The following ABTB3 variants were observed in gnomAD, a reference collection of about 807,000 sequenced individuals.
The protein encoded by ABTB3 is ankyrin repeat- and BTB/POZ domain-containing protein 3.
chr12:107,366,046 C>T, the ABTB3 span, among the ~76,000 whole-genome samples: 2 of 152,220 alleles, frequency 1.3e-5, no homozygotes, highest in Admixed American at 6.5e-5. Flanking sequence ...GCCATGAGCA[C>T]CTTTCAGGCC....
chr12:107,481,887 C>CTCTCTT, the ABTB3 span, among the ~76,000 whole-genome samples: 1 of 101,988 alleles, frequency 9.8e-6, no homozygotes, highest in South Asian at 3.2e-4. Flanking sequence ...TCAAGAGTCT[C>CTCTCTT]TCTCTCTCTC....
At chr12:107,475,966 T>C in the ABTB3 span, among the ~76,000 whole-genome samples, 1 of 152,170 alleles carries the variant, frequency 6.6e-6, no homozygotes, top group African/African-American at 2.4e-5. Flanking sequence ...GCCCATGTGT[T>C]GCATCTGAGA....
chr12:107,580,471 CAG>C, the ABTB3 span, among the ~76,000 whole-genome samples: 1 of 152,190 alleles, frequency 6.6e-6, no homozygotes, highest in East Asian at 1.9e-4. Flanking sequence ...TTGAGGCTCT[CAG>C]AGTTTCAGGG....
chr12:107,635,401 C>G, the ABTB3 span: 1 of 1,609,604 alleles, frequency 6.2e-7, no homozygotes, highest in Non-Finnish European at 8.5e-7. Flanking sequence ...GTGAGTGGTT[C>G]CCCCAGGCCT....
At chr12:107,320,627 G>A in the ABTB3 span, 1 of 456,136 alleles carries the variant, frequency 2.2e-6, no homozygotes, top group South Asian at 1.5e-5. Flanking sequence ...GGCCTAGACA[G>A]TCGTAAAGGT....
the ABTB3 span, among the ~76,000 whole-genome samples, chr12:107,582,467 T>TC: frequency 6.6e-6 from 1 of 152,130 alleles, no homozygotes; most frequent in Non-Finnish European, 1.5e-5. Flanking sequence ...CGCTTTCCTG[T>TC]CTTCAGATTT....
At chr12:107,318,891 C>T in the ABTB3 span, 5 of 1,520,604 alleles carry the variant, frequency 3.3e-6, no homozygotes, top group Non-Finnish European at 4.4e-6. Flanking sequence ...TGCTCCTCGC[C>T]GCTCCTTCCC....
At chr12:107,526,219 C>T in the ABTB3 span, among the ~76,000 whole-genome samples, 1 of 152,198 alleles carries the variant, frequency 6.6e-6, no homozygotes, top group Non-Finnish European at 1.5e-5. Flanking sequence ...GGACGTAGAG[C>T]TGAACCTATG....
At chr12:107,649,362 T>G in the ABTB3 span, 101 of 1,253,078 alleles carry the variant, frequency 8.1e-5, no homozygotes, top group South Asian at 1.2e-3. Context: ...TGCATGGAAG[T>G]GTCTGGAAGG....
the ABTB3 span, among the ~76,000 whole-genome samples, chr12:107,635,122 C>A: frequency 6.6e-6 from 1 of 152,134 alleles, no homozygotes; most frequent in Non-Finnish European, 1.5e-5. Flanking sequence ...AAATCCAGGA[C>A]CCATGAATGC....
At chr12:107,404,886 G>A in the ABTB3 span, among the ~76,000 whole-genome samples, 2 of 152,166 alleles carry the variant, frequency 1.3e-5, no homozygotes, top group Non-Finnish European at 2.9e-5. Flanking sequence ...GTCTTGGCTT[G>A]TGGAAACCTC....
the ABTB3 span, among the ~76,000 whole-genome samples, chr12:107,510,172 C>T: frequency 5.3e-5 from 8 of 152,304 alleles, no homozygotes; most frequent in African/African-American, 1.2e-4. Context: ...TGCACCCCAG[C>T]TGCTTCCTTC....
chr12:107,477,640 A>G, the ABTB3 span, among the ~76,000 whole-genome samples: 1 of 152,194 alleles, frequency 6.6e-6, no homozygotes, highest in East Asian at 1.9e-4. Context: ...TATTGTATTG[A>G]TTTGATTCTA....
chr12:107,552,780 T>C, the ABTB3 span, among the ~76,000 whole-genome samples: 1 of 152,214 alleles, frequency 6.6e-6, no homozygotes, highest in Non-Finnish European at 1.5e-5. Context: ...TCCTTCCCTC[T>C]GTGCCATCCT....
chr12:107,455,359 G>A, the ABTB3 span, among the ~76,000 whole-genome samples: 2 of 151,966 alleles, frequency 1.3e-5, no homozygotes, highest in Admixed American at 6.6e-5. Context: ...CTGTGCTGTC[G>A]CCCATGCTGG....
chr12:107,579,670 T>A, the ABTB3 span, among the ~76,000 whole-genome samples: 1 of 152,226 alleles, frequency 6.6e-6, no homozygotes. Context: ...TATAACCCCA[T>A]CTACCTGTCA....
chr12:107,642,058 C>CT, the ABTB3 span: 159 of 1,598,424 alleles, frequency 9.9e-5, no homozygotes, highest in East Asian at 3.1e-3. Context: ...GTGTGTGAGT[C>CT]TTTTTTATCT....
At chr12:107,525,731 CAT>C in the ABTB3 span, among the ~76,000 whole-genome samples, 1 of 152,208 alleles carries the variant, frequency 6.6e-6, no homozygotes, top group African/African-American at 2.4e-5. Context: ...CTCAGGGCCT[CAT>C]ATTAAAATCT....
chr12:107,358,519 A>G, the ABTB3 span, among the ~76,000 whole-genome samples: 2 of 152,174 alleles, frequency 1.3e-5, no homozygotes, highest in Non-Finnish European at 2.9e-5. Context: ...GTCTCAAGTA[A>G]TGATTCTCAA....
Sources: gnomAD v4.1 joint callset for allele counts (sites outside exome capture counted in the v4.1 genomes callset) on GRCh38, gnomAD v4.1.1 for gene constraint, MANE v1.5 for transcripts, NCBI Gene and HGNC (gene_info 2026-07-23, HGNC 2026-07-21) for gene names.